Variants in WASF1 observed in about 807,000 individuals in gnomAD.
WASF1 encodes the protein actin-binding protein WASF1.
Under a neutral mutation model 50.5 loss-of-function variants are expected in WASF1, and 7 were observed. The observed-to-expected ratio is 0.14, with a 90% CI of 0.08 to 0.26. The LOEUF (loss-of-function observed/expected upper bound fraction) is 0.26, where lower values mean the gene tolerates loss of function less well. Among genes scored for constraint, WASF1 ranks in the 10% least tolerant of loss-of-function variants. The pLI is 1.00. For missense variants in WASF1, 470 were observed against 694.7 expected (o/e 0.68, Z 3.64); for synonymous variants, 205 against 244.0 (o/e 0.84, Z 1.49).
chr6:110,164,479 T>C (rs1776389633), intron 2 of WASF1, among the ~76,000 whole-genome samples: 1 of 151,648 alleles, frequency 6.6e-6, no homozygotes, highest in African/African-American at 2.4e-5. Flanking sequence ...TCATGCATCA[T>C]GTGTCAGTAG....
intron 3 of WASF1, among the ~76,000 whole-genome samples, chr6:110,135,253 G>A (rs1662482732): frequency 6.6e-6 from 1 of 152,110 alleles, no homozygotes; most frequent in South Asian, 2.1e-4. Flanking sequence ...TCATTTATCA[G>A]TTCTAGCTTT....
At position 110,107,157 on chromosome 6, in the gene WASF1, G is replaced by T. The variant is rs565982596; in HGVS notation, c.460C>A (p.Pro154Thr). Residue 154 changes from proline to threonine, a missense_variant, in exon 7 of 11, where the codon CCT becomes ACT. This residue lies in a region of WASF1 where 140 missense variants were observed against 260.5 expected (regional missense o/e 0.54). Transcript: ENST00000392589. ...GKEGLKFYTN[P>T]SYFFDLWKEK... ...TTCCATAGATCAAAGAAATACGAAG[G>T]ATTGGTATAAAACTTCAGACCTTCT... 6.2e-7 allele frequency: 1 copy of T among 1,606,958 alleles called. No individual in the cohort carries two copies. The highest frequency in any genetic ancestry group is 2.2e-5 in the East Asian group (1 of 44,526).
rs1773106558 is a variant in WASF1, at chr6:110,101,859, T to C, written c.1251A>G (p.Gln417=). 1.2e-6 allele frequency: 2 copies of C among 1,613,866 alleles called. No individual in the cohort carries two copies. The highest frequency in any genetic ancestry group is 1.1e-5 in the South Asian group (1 of 91,040). ...GTGGAGGCAGCCCCTGAACTTCACC[T>C]TGTGGGAGTGGATGAACTGGTACAG... ...CETVPVHPLP[Q]GEVQGLPPPP... Residue 417 remains glutamine (Q), a synonymous_variant, in exon 10 of 11, where the codon CAA becomes CAG. Transcript: ENST00000392589.
chr6:110,144,816 A>G (rs886981877), intron 3 of WASF1, among the ~76,000 whole-genome samples: 1 of 152,066 alleles, frequency 6.6e-6, no homozygotes, highest in Non-Finnish European at 1.5e-5. Context: ...CCATTGGTCT[A>G]TCTCTCTGTT....
chr6:110,132,910 G>GTA (rs566001283), intron 3 of WASF1, among the ~76,000 whole-genome samples: 2,617 of 127,136 alleles, frequency 0.021, 30 homozygotes, highest in South Asian at 0.037. Flanking sequence ...GTGTGTCTGT[G>GTA]TATATATATA....
intron 3 of WASF1, among the ~76,000 whole-genome samples, chr6:110,140,448 A>G (rs931537721): frequency 1.1e-4 from 16 of 152,164 alleles, no homozygotes; most frequent in African/African-American, 3.9e-4. Context: ...GAGTCATAGG[A>G]ACCCAACTTG....
chr6:110,144,309 T>C lies in WASF1; in HGVS notation c.-29+16326A>G, dbSNP rs554870594. ...TCCTTTCCCCACTTGGTGATGGGGT[T>C]GTTTGTTTTTTTCTTGTAAATTTGT... On this transcript the variant is annotated intron_variant, in intron 3 of 10. Coordinates refer to ENST00000392589, the MANE Select transcript of WASF1 (RefSeq NM_003931.3). 3.3e-5 allele frequency among the ~76,000 whole-genome samples: 5 copies of C among 152,250 alleles called. No individual in the cohort carries two copies. In the South Asian group the frequency reaches 1.0e-3, roughly 32 times the overall value.
intron 5 of WASF1, 52 bp downstream of exon 5, chr6:110,113,274 C>T (rs1773651007): frequency 2.1e-6 from 3 of 1,399,698 alleles, no homozygotes; most frequent in Non-Finnish European, 2.8e-6. Flanking sequence ...TCATTCATCT[C>T]ATCTAACTTA....
At chr6:110,142,952 T>TAAAAAAAAAA (rs5879060) in intron 3 of WASF1, among the ~76,000 whole-genome samples, 9 of 119,178 alleles carry the variant, frequency 7.6e-5, no homozygotes, top group Non-Finnish European at 1.2e-4. Flanking sequence ...CCCAATGATG[T>TAAAAAAAAAA]AAAAAAAAAA....
chr6:110,140,609 G>A (rs1346418640), intron 3 of WASF1, among the ~76,000 whole-genome samples: 1 of 152,160 alleles, frequency 6.6e-6, no homozygotes, highest in African/African-American at 2.4e-5. Context: ...CACCCAGCCA[G>A]TGTCTGCTGA....
intron 2 of WASF1, among the ~76,000 whole-genome samples, chr6:110,173,815 A>C (rs1376496774): frequency 6.6e-6 from 1 of 152,188 alleles, no homozygotes; most frequent in Non-Finnish European, 1.5e-5. Flanking sequence ...ACTGAAGAGA[A>C]AACAAATTAT....
At chr6:110,178,020 G>GAA (rs571778456) in intron 2 of WASF1, among the ~76,000 whole-genome samples, 1 of 138,972 alleles carries the variant, frequency 7.2e-6, no homozygotes, top group Admixed American at 7.1e-5. Context: ...ATTCAAGTTA[G>GAA]AAAAAAAAAA....
intron 2 of WASF1, among the ~76,000 whole-genome samples, chr6:110,163,361 T>C (rs577213059): frequency 3.3e-4 from 50 of 151,720 alleles, no homozygotes; most frequent in African/African-American, 1.2e-3. Flanking sequence ...TGGAATTCTA[T>C]GAAACTAAGG....
At chr6:110,179,130 C>G (rs369449605) in intron 1 of WASF1, among the ~76,000 whole-genome samples, 30 of 152,286 alleles carry the variant, frequency 2.0e-4, no homozygotes, top group African/African-American at 5.1e-4. Flanking sequence ...CAGGGAAGCC[C>G]GGGCGGTGGC....
At position 110,113,405 on chromosome 6, in the gene WASF1, G is replaced by C; in HGVS notation, c.189C>G (p.Ser63=). 2 of 1,602,838 alleles carry C rather than the reference G, an allele frequency of 1.2e-6. No individual in the cohort carries two copies. The highest frequency in any genetic ancestry group is 1.7e-6 in the Non-Finnish European group (2 of 1,175,044). ...GELFNEAHSF[S]FRVNSLQERV... ...GTTCTTGCAATGAGTTGACTCTGAAGGAAAAACTATGTGCTTCATTGAATA... is the reference window on the plus strand; with the variant it reads ...GTTCTTGCAATGAGTTGACTCTGAACGAAAAACTATGTGCTTCATTGAATA... Residue 63 remains serine, a synonymous_variant, in exon 5 of 11, where the codon TCC becomes TCG. Transcript: ENST00000392589.
intron 5 of WASF1, among the ~76,000 whole-genome samples, chr6:110,109,764 G>C (rs1240352673): frequency 1.3e-5 from 2 of 150,510 alleles, no homozygotes; most frequent in African/African-American, 4.9e-5. Flanking sequence ...GGTTCACTAT[G>C]TTGGCCAGGC....
At chr6:110,103,322 A>C in intron 9 of WASF1, 56 bp downstream of exon 9, 1 of 1,553,840 alleles carries the variant, frequency 6.4e-7, no homozygotes, top group Non-Finnish European at 8.7e-7. Context: ...ATCGTCCTTG[A>C]AAGAAAAAGC....
intron 3 of WASF1, among the ~76,000 whole-genome samples, chr6:110,155,536 CTTTTTTTTTTTTTTTTT>C (rs66645132): frequency 2.2e-5 from 1 of 45,974 alleles, no homozygotes; most frequent in South Asian, 1.4e-3. Context: ...AAAGTGCCTT[CTTTTTTTTTTTTTTTTT>C]TTTTTTTTTT....
At chr6:110,123,896 A>T (rs1269587293) in intron 4 of WASF1, among the ~76,000 whole-genome samples, 2 of 152,160 alleles carry the variant, frequency 1.3e-5, no homozygotes, top group Non-Finnish European at 2.9e-5. Flanking sequence ...ACTATATTCC[A>T]TAAGAGAAAA....
Sources: allele counts gnomAD v4.1 joint callset (sites outside exome capture counted in the v4.1 genomes callset), GRCh38; gene constraint gnomAD v4.1.1; regional missense constraint gnomAD v4.1.1; transcripts MANE v1.5; gene names NCBI Gene and HGNC (gene_info 2026-07-23, HGNC 2026-07-21).